The following LRRC4C variants were observed in gnomAD, a reference collection of about 807,000 sequenced individuals.
LRRC4C encodes leucine rich repeat containing 4C.
In LRRC4C, 5 loss-of-function variants were observed where a neutral mutation model predicts 33.6. The ratio of observed to expected loss-of-function variants is 0.15; its 90% CI spans 0.08 to 0.31. The LOEUF (loss-of-function observed/expected upper bound fraction) is 0.31. LRRC4C is among the 10% of genes least tolerant of loss of function. The pLI, the probability that LRRC4C is intolerant of heterozygous loss-of-function variation, is 1.00. For synonymous variants in LRRC4C, 329 were observed against 302.0 expected, an observed-to-expected ratio of 1.09 and a Z score of -0.93; for missense variants, 560 against 796.7, an observed-to-expected ratio of 0.70 and a Z score of 3.58.
At chr11:40,660,379 A>G (rs1943372755) in intron 2 of LRRC4C, among the ~76,000 whole-genome samples, 1 of 152,166 alleles carries the variant, frequency 6.6e-6, no homozygotes, top group African/African-American at 2.4e-5. Flanking sequence ...CCCAAGCAGA[A>G]CTCGGGCAAA....
intron 3 of LRRC4C, among the ~76,000 whole-genome samples, chr11:40,530,888 G>A (rs1033739386): frequency 6.6e-6 from 1 of 152,056 alleles, no homozygotes; most frequent in Non-Finnish European, 1.5e-5. Context: ...GGAGGGAGGG[G>A]CTCTGTTTAA....
intron 1 of LRRC4C, among the ~76,000 whole-genome samples, chr11:40,941,546 T>C (rs1272400441): frequency 2.0e-5 from 3 of 152,102 alleles, no homozygotes; most frequent in African/African-American, 7.2e-5. Flanking sequence ...AGAAAATATT[T>C]TGGGCATGGG....
At chr11:40,282,624 A>G (rs1943557814) in intron 4 of LRRC4C, among the ~76,000 whole-genome samples, 1 of 152,202 alleles carries the variant, frequency 6.6e-6, no homozygotes, top group Admixed American at 6.5e-5. Flanking sequence ...ACTTTAAAAA[A>G]GAACTATTAA....
intron 1 of LRRC4C, among the ~76,000 whole-genome samples, chr11:41,269,561 G>C (rs1367508668): frequency 6.6e-6 from 1 of 152,094 alleles, no homozygotes; most frequent in African/African-American, 2.4e-5. Context: ...CAGGGAGAAG[G>C]TAGTCTGGCT....
chr11:40,754,011 T>C (rs1051438314), intron 2 of LRRC4C, among the ~76,000 whole-genome samples: 6 of 151,952 alleles, frequency 3.9e-5, no homozygotes, highest in African/African-American at 7.2e-5. Flanking sequence ...TATATATATA[T>C]ACACACACAC....
chr11:40,293,832 A>C (rs946383367), intron 4 of LRRC4C: 1 of 152,340 alleles, frequency 6.6e-6, no homozygotes, highest in Admixed American at 6.5e-5. Flanking sequence ...TCGGGAGCGC[A>C]GCTGCTCCGC....
chr11:40,632,028 A>G (rs555490080), intron 3 of LRRC4C, among the ~76,000 whole-genome samples: 2 of 152,338 alleles, frequency 1.3e-5, no homozygotes, highest in South Asian at 4.1e-4. Context: ...TGAAGTTCAG[A>G]GAGGCTAAGT....
intron 2 of LRRC4C, among the ~76,000 whole-genome samples, chr11:40,742,556 T>C (rs1486451152): frequency 1.3e-5 from 2 of 151,996 alleles, no homozygotes; most frequent in East Asian, 1.9e-4. Context: ...TCCTAATAGA[T>C]TGTGCAGTTC....
At chr11:40,160,131 C>T (rs1859034245) in intron 5 of LRRC4C, among the ~76,000 whole-genome samples, 1 of 151,844 alleles carries the variant, frequency 6.6e-6, no homozygotes, top group African/African-American at 2.4e-5. Flanking sequence ...TGTTCATAAC[C>T]TCTTAACACA....
At chr11:41,404,468 A>G (rs1310326022) in intron 1 of LRRC4C, among the ~76,000 whole-genome samples, 1 of 127,478 alleles carries the variant, frequency 7.8e-6, no homozygotes, top group African/African-American at 3.1e-5. Flanking sequence ...CCCCAGGGCT[A>G]TGTGTGTGTG....
In LRRC4C at chr11:40,887,746, G is replaced by A. The variant is rs193116256; in HGVS notation, c.-407+45889C>T. ...TTTCTAGATGCAAAGCATTGTCTGTGTACATGCTAAGTCTGAATTACCAGT... is the reference window on the plus strand; with the variant it reads ...TTTCTAGATGCAAAGCATTGTCTGTATACATGCTAAGTCTGAATTACCAGT... On this transcript the variant is annotated intron_variant, in intron 2 of 6. Transcript: ENST00000528697. Among the ~76,000 whole-genome samples the A allele has an allele frequency of 3.1e-3, 464 of 152,076 alleles. 1 individual carries two copies. The highest frequency in any genetic ancestry group is 4.1e-3 in the Non-Finnish European group (279 of 67,896).
At chr11:40,369,287 C>T (rs887113114) in intron 3 of LRRC4C, among the ~76,000 whole-genome samples, 1 of 152,158 alleles carries the variant, frequency 6.6e-6, no homozygotes, top group Non-Finnish European at 1.5e-5. Context: ...AGCAATGTCT[C>T]AATGTTCCTT....
chr11:41,449,114 G>C (rs539051823), intron 1 of LRRC4C, among the ~76,000 whole-genome samples: 2 of 152,200 alleles, frequency 1.3e-5, no homozygotes, highest in Admixed American at 1.3e-4. Flanking sequence ...TGCAAGGCTG[G>C]AGCTAGCAGA....
intron 5 of LRRC4C, among the ~76,000 whole-genome samples, chr11:40,231,488 A>G (rs1055388049): frequency 4.6e-5 from 7 of 152,038 alleles, no homozygotes; most frequent in Non-Finnish European, 7.4e-5. Flanking sequence ...TCAATATGCA[A>G]TGAAAACTAT....
chr11:40,178,526 T>C (rs1860707571), intron 5 of LRRC4C, among the ~76,000 whole-genome samples: 1 of 152,202 alleles, frequency 6.6e-6, no homozygotes, highest in Admixed American at 6.5e-5. Flanking sequence ...ATTATTTCAT[T>C]CTTAAACTGC....
At chr11:41,085,845 T>C (rs986324092) in intron 1 of LRRC4C, among the ~76,000 whole-genome samples, 6 of 144,140 alleles carry the variant, frequency 4.2e-5, no homozygotes, top group Non-Finnish European at 7.4e-5. Flanking sequence ...TAACTGGCAA[T>C]CTCAATACAA....
intron 3 of LRRC4C, among the ~76,000 whole-genome samples, chr11:40,352,657 C>T (rs572477993): frequency 7.0e-5 from 10 of 142,144 alleles, no homozygotes; most frequent in Middle Eastern, 3.7e-3. Context: ...TGTTTGTGAA[C>T]TTACTTTCAA....
chr11:40,362,167 A>G (rs1947985042), intron 3 of LRRC4C, among the ~76,000 whole-genome samples: 1 of 152,242 alleles, frequency 6.6e-6, no homozygotes, highest in Non-Finnish European at 1.5e-5. Flanking sequence ...ACCCTGGGAA[A>G]CAATATAGGC....
At chr11:40,389,413 CAAA>C (rs1172429573) in intron 3 of LRRC4C, among the ~76,000 whole-genome samples, 1 of 150,952 alleles carries the variant, frequency 6.6e-6, no homozygotes, top group Admixed American at 6.6e-5. Context: ...TACTACAGGG[CAAA>C]AAAGTTTCTT....
Sources: allele counts gnomAD v4.1 joint callset (sites outside exome capture counted in the v4.1 genomes callset), GRCh38; gene constraint gnomAD v4.1.1; transcripts MANE v1.5; gene names NCBI Gene and HGNC (gene_info 2026-07-23, HGNC 2026-07-21).